The following DCLRE1C variants were observed in gnomAD, a reference collection of about 807,000 sequenced individuals.
The protein encoded by DCLRE1C is DNA cross-link repair 1C, also known as protein artemis.
DCLRE1C carries 47 observed loss-of-function variants against 61.4 expected under a neutral mutation model. The ratio of observed to expected loss-of-function variants is 0.77; its 90% confidence interval spans 0.61 to 0.98. The LOEUF (loss-of-function observed/expected upper bound fraction) is 0.98. Among genes scored for constraint, DCLRE1C ranks in the 50% least tolerant of loss-of-function variants. The pLI is 0.00. For synonymous variants in DCLRE1C, 337 were observed against 287.6 expected (o/e 1.17, Z -1.74); for missense variants, 858 against 816.0 (o/e 1.05, Z -0.63).
chr10:14,951,541 C>T (rs1480073727), intron 1 of DCLRE1C, among the ~76,000 whole-genome samples: 1 of 151,974 alleles, frequency 6.6e-6, no homozygotes, highest in Non-Finnish European at 1.5e-5. Context: ...CACACCAGCG[C>T]TGTAAGGAAA....
Position 14,905,041 on chromosome 10 carries a change from A to G in DCLRE1C, c.*3367T>C, listed in dbSNP as rs1361022112. Among the ~76,000 whole-genome samples the G allele has an allele frequency of 2.0e-5, 3 of 152,198 alleles. No homozygotes were observed. The highest frequency in any genetic ancestry group is 3.8e-4 in the East Asian group (2 of 5,204). On this transcript the variant is annotated 3_prime_UTR_variant, in exon 14 of 14. Transcript: ENST00000378278. ...AATTAGGTTGGGCATTTAATGTTCT[A>G]TTTACCATGGCTTAGCTTTGTTTCT...
At position 14,939,863 on chromosome 10, in the gene DCLRE1C, T is replaced by C. The variant is rs778941716; in HGVS notation, c.253A>G (p.Ile85Val). 6.3e-7 allele frequency: 1 copy of C among 1,591,952 alleles called. No individual in the cohort carries two copies. The highest frequency in any genetic ancestry group is 8.6e-7 in the Non-Finnish European group (1 of 1,161,950). Residue 85 changes from isoleucine (I) to valine (V), a missense_variant, in exon 4 of 14, where the codon ATT (isoleucine) becomes GTT (valine). Transcript: ENST00000378278. ...ATCTGGGTAGGAGTCTCGATTTCAA[T>C]AGATATCTATAAAAATAAAATAAGA... ...YRFWKKRIIS[I>V]EIETPTQISL... is the part of the protein sequence containing the mutation.
At chr10:14,912,065 C>T (rs924000759) in intron 13 of DCLRE1C, among the ~76,000 whole-genome samples, 1 of 152,190 alleles carries the variant, frequency 6.6e-6, no homozygotes, top group Non-Finnish European at 1.5e-5. Context: ...GAACTGAACG[C>T]TTCCTGTCAA....
At chr10:14,953,777 G>C in intron 1 of DCLRE1C, 125 bp downstream of exon 1, 1 of 1,377,790 alleles carries the variant, frequency 7.3e-7, no homozygotes, top group Non-Finnish European at 1.0e-6. Flanking sequence ...GGGACAAGGC[G>C]TGTGCTGGCC....
chr10:14,922,080 A>AG (rs1178563989), intron 12 of DCLRE1C, among the ~76,000 whole-genome samples: 2 of 152,206 alleles, frequency 1.3e-5, no homozygotes, highest in Non-Finnish European at 2.9e-5. Context: ...GAGCTCTGCT[A>AG]GGACAGGCTG....
intron 9 of DCLRE1C, 132 bp downstream of exon 9, chr10:14,932,722 G>C: frequency 2.9e-6 from 3 of 1,019,004 alleles, no homozygotes; most frequent in African/African-American, 3.1e-5. Flanking sequence ...CCATGACCTT[G>C]AGCTAACAAC....
chr10:14,938,269 A>T (rs1265874367), intron 4 of DCLRE1C, among the ~76,000 whole-genome samples: 1 of 152,230 alleles, frequency 6.6e-6, no homozygotes, highest in African/African-American at 2.4e-5. Flanking sequence ...TGATTGTGAC[A>T]AGGCCACAGA....
At chr10:14,899,484 G>T in intron 13 of DCLRE1C, 1 of 1,583,070 alleles carries the variant, frequency 6.3e-7, no homozygotes, top group South Asian at 1.1e-5. Flanking sequence ...ATAGGTAGAT[G>T]AATGCTTCTT....
rs750020058 is a variant in DCLRE1C at position 14,908,165 on chromosome 10, C to CTTTTTTTTTTT, written c.*232_*242dup. On this transcript the variant is annotated 3_prime_UTR_variant, in exon 14 of 14. Coordinates refer to ENST00000378278, the MANE Select transcript of DCLRE1C (RefSeq NM_001033855.3). Reference sequence around the variant, plus strand: ...CAGAGTAGCCCACCACCATGCCTGGCTTTTTTTTTTTTTTTTTTTTTTGTA... The same window carrying CTTTTTTTTTTT: ...CAGAGTAGCCCACCACCATGCCTGGCTTTTTTTTTTTTTTTTTTTTTTTTTTTTTTTTTGTA... The CTTTTTTTTTTT allele has an allele frequency of 6.0e-4, 118 of 197,852 alleles. 21 individuals carry two copies. Among genetic ancestry groups the CTTTTTTTTTTT allele is most frequent in the Middle Eastern group, 2.1e-3 (1 of 476 alleles). 12.3% of individuals were successfully genotyped at this position (197,852 alleles called of 1,614,324 possible). A position where few individuals can be genotyped will look rare whatever the true frequency, so the allele number is the denominator to read the frequency against.
At chr10:14,898,559 T>C (rs376705204) in exon 14 of DCLRE1C, 175 of 152,318 alleles carry the variant, frequency 1.1e-3, no homozygotes, top group African/African-American at 3.9e-3. Flanking sequence ...TTATAAATTA[T>C]TCAGTATACA....
intron 13 of DCLRE1C, among the ~76,000 whole-genome samples, chr10:14,918,300 A>T (rs765121781): frequency 1.3e-5 from 2 of 152,258 alleles, no homozygotes; most frequent in Admixed American, 6.5e-5. Context: ...CTCCTTATCA[A>T]TAAAAGAGGG....
At chr10:14,927,510 G>C (rs369582189) in intron 10 of DCLRE1C, among the ~76,000 whole-genome samples, 4 of 147,876 alleles carry the variant, frequency 2.7e-5, no homozygotes, top group African/African-American at 1.0e-4. Flanking sequence ...TTCCACCAAG[G>C]GTTCTGTTCT....
In DCLRE1C at chr10:14,908,058, C is replaced by T; in HGVS notation, c.*350G>A. The T allele has an allele frequency of 1.3e-5, 3 of 222,524 alleles. No individual in the cohort carries two copies. The South Asian group carries it at 2.1e-4, about 16-fold the overall frequency. 13.8% of individuals were successfully genotyped at this position (222,524 alleles called of 1,614,324 possible). On this transcript the variant is annotated 3_prime_UTR_variant, in exon 14 of 14. Coordinates refer to ENST00000378278, the MANE Select transcript of DCLRE1C (RefSeq NM_001033855.3). ...TTTTTTAAACAGGGTCTTGCTCTGT[C>T]ACCCAGACTAGAGGTGCAGTGGCAC... is the stretch of plus-strand genomic sequence containing the variant.
At chr10:14,903,263 G>A (rs916071007), downstream of DCLRE1C, 2 of 152,142 alleles carry the variant, frequency 1.3e-5, no homozygotes, top group African/African-American at 4.8e-5. Context: ...ATGATAATGG[G>A]ACCAGGATGG....
chr10:14,939,034 T>C (rs1223966891), intron 4 of DCLRE1C, among the ~76,000 whole-genome samples: 2 of 152,216 alleles, frequency 1.3e-5, no homozygotes, highest in Non-Finnish European at 2.9e-5. Flanking sequence ...TGATTAGTTA[T>C]TGGGCATAGA....
At position 14,908,989 on chromosome 10, in the gene DCLRE1C, T is replaced by C. The variant is rs1235481288; in HGVS notation, c.1498A>G (p.Thr500Ala). 6.2e-7 allele frequency: 1 copy of C among 1,614,030 alleles called. No homozygotes were observed. Among genetic ancestry groups the C allele is most frequent in the African/African-American group, 1.3e-5 (1 of 74,932 alleles). ...EVFFKRNDEITDESLENFPSS... is the reference protein window; with the variant it reads ...EVFFKRNDEIADESLENFPSS... ...GGGAAGTTTTCCAAACTCTCATCTGTGATTTCATCATTTCTTTTAAAGAAT... is the reference window on the plus strand; with the variant it reads ...GGGAAGTTTTCCAAACTCTCATCTGCGATTTCATCATTTCTTTTAAAGAAT... The change falls in exon 14 of 14, where the codon ACA becomes GCA. Residue 500 changes from threonine to alanine, a missense_variant. Thr to Ala is a moderately conservative substitution (Grantham distance 58). Transcript: ENST00000378278.
chr10:14,942,524 A>G (rs1480246363), intron 3 of DCLRE1C: 5 of 152,198 alleles, frequency 3.3e-5, no homozygotes, highest in Admixed American at 2.6e-4. Context: ...TGCACACACT[A>G]TGTGTGCATA....
At chr10:14,917,473 C>T (rs901650084) in intron 13 of DCLRE1C, among the ~76,000 whole-genome samples, 1 of 150,800 alleles carries the variant, frequency 6.6e-6, no homozygotes, top group African/African-American at 2.4e-5. Flanking sequence ...TCTTTGTATA[C>T]ACCTGATATA....
intron 9 of DCLRE1C, among the ~76,000 whole-genome samples, chr10:14,929,934 T>A (rs540198419): frequency 6.6e-6 from 1 of 152,150 alleles, no homozygotes; most frequent in Non-Finnish European, 1.5e-5. Flanking sequence ...AAAAATCTTT[T>A]AAGCGGCTAG....
Sources: gnomAD v4.1 joint callset for allele counts (sites outside exome capture counted in the v4.1 genomes callset) on GRCh38, gnomAD v4.1.1 for gene constraint, MANE v1.5 for transcripts, NCBI Gene and HGNC (gene_info 2026-07-23, HGNC 2026-07-21) for gene names.